The following GULP1 variants were observed in gnomAD, a reference collection of about 807,000 sequenced individuals.
GULP1 encodes GULP PTB domain containing engulfment adaptor 1.
A neutral mutation model predicts 40.9 loss-of-function variants in GULP1; 19 were observed. That is an observed-to-expected ratio of 0.46 (90% CI 0.32 to 0.68). The LOEUF (loss-of-function observed/expected upper bound fraction) is 0.68, where lower values mean the gene tolerates loss of function less well. GULP1 is among the 30% of genes least tolerant of loss of function. The pLI, the probability that GULP1 is intolerant of heterozygous loss-of-function variation, is 0.03. For missense variants in GULP1, 312 were observed against 362.2 expected, an observed-to-expected ratio of 0.86 and a Z score of 1.12; for synonymous variants, 119 against 117.6, an observed-to-expected ratio of 1.01 and a Z score of -0.08.
At chr2:188,310,979 A>G (rs2037990364) in intron 1 of GULP1, among the ~76,000 whole-genome samples, 1 of 152,228 alleles carries the variant, frequency 6.6e-6, no homozygotes, top group Non-Finnish European at 1.5e-5. Context: ...ATATTTCTAG[A>G]AATGGTCAGC....
chr2:188,566,820 A>G lies in GULP1; in HGVS notation c.400-2419A>G, dbSNP rs547160737. On this transcript the variant is annotated intron_variant, in intron 7 of 11. Transcript: ENST00000409830. ...AAAAAAAAAAAAAAAAAAAAAAAAA[A>G]GGGGAAGGATACATCGAAATCATAA... 9.0e-3 allele frequency among the ~76,000 whole-genome samples: 1,315 copies of G among 146,198 alleles called. 8 individuals are homozygous for G. Among genetic ancestry groups the G allele is most frequent in the Middle Eastern group, 0.026 (7 of 274 alleles).
At chr2:188,341,959 T>G (rs1287308160) in intron 1 of GULP1, among the ~76,000 whole-genome samples, 1 of 152,234 alleles carries the variant, frequency 6.6e-6, no homozygotes, top group Non-Finnish European at 1.5e-5. Context: ...CTTAACTTTT[T>G]TTGTTTTCTT....
rs138606292 is a variant in GULP1 at position 188,382,730 on chromosome 2, A to G, written c.-171-1033A>G. The stretch of plus-strand genomic sequence containing the variant: ...GCGAAACCCCCTCTCTACTAAAAAT[A>G]CAAAAATTAGCCGGGCATGATGCCA... On this transcript the variant is annotated intron_variant, in intron 1 of 11. Transcript: ENST00000409830. Among the ~76,000 whole-genome samples, 352 of 152,286 alleles carry G rather than the reference A, an allele frequency of 2.3e-3. 1 individual carries two copies. The highest frequency in any genetic ancestry group is 8.0e-3 in the African/African-American group (332 of 41,566).
At position 188,594,013 on chromosome 2, in the gene GULP1, A is replaced by G. The variant is rs970443952; in HGVS notation, c.*2A>G. 1.9e-6 allele frequency: 3 copies of G among 1,540,330 alleles called. No individual in the cohort carries two copies. Among genetic ancestry groups the G allele is most frequent in the South Asian group, 2.2e-5 (2 of 88,996 alleles). On this transcript the variant is annotated 3_prime_UTR_variant, in exon 12 of 12. Coordinates refer to ENST00000409830, the MANE Select transcript of GULP1 (RefSeq NM_016315.4). ...GACCCGTTAGACAGTAGGTGCTGAC[A>G]TCAAGAACAAGAAATCCTGATTCAT... is the stretch of plus-strand genomic sequence containing the variant.
intron 2 of GULP1, among the ~76,000 whole-genome samples, chr2:188,403,134 C>T (rs1023515995): frequency 6.6e-6 from 1 of 152,090 alleles, no homozygotes; most frequent in African/African-American, 2.4e-5. Context: ...ACATTCAGCT[C>T]TATGCTAGAC....
rs2045391468 is a variant in GULP1 at position 188,356,838 on chromosome 2, A to G, written c.-171-26925A>G. ...ATGAAGTGCTGGTAAGCCAAACAGC[A>G]TGGTACTGGCATTAAAACAGACACA... On this transcript the variant is annotated intron_variant, in intron 1 of 11. Transcript: ENST00000409830. Among the ~76,000 whole-genome samples the G allele has an allele frequency of 2.0e-5, 3 of 152,296 alleles. No homozygotes were observed. In the South Asian group the frequency reaches 6.2e-4, roughly 32 times the overall value.
At chr2:188,580,828 A>T (rs1030654448) in intron 9 of GULP1, among the ~76,000 whole-genome samples, 2 of 152,174 alleles carry the variant, frequency 1.3e-5, no homozygotes, top group Non-Finnish European at 2.9e-5. Flanking sequence ...AATAAAGTTT[A>T]TCAAAAATCA....
At chr2:188,378,349 A>G (rs2048570299) in intron 1 of GULP1, among the ~76,000 whole-genome samples, 1 of 152,114 alleles carries the variant, frequency 6.6e-6, no homozygotes, top group African/African-American at 2.4e-5. Flanking sequence ...ATAAGGTGGC[A>G]TGTTACGCCA....
At chr2:188,556,236 T>A (rs1694728571) in intron 7 of GULP1, among the ~76,000 whole-genome samples, 1 of 152,136 alleles carries the variant, frequency 6.6e-6, no homozygotes, top group Non-Finnish European at 1.5e-5. Context: ...TTTTCTACTA[T>A]TTTTATCTTT....
chr2:188,512,833 A>T (rs760095891), intron 4 of GULP1, among the ~76,000 whole-genome samples: 1 of 122,384 alleles, frequency 8.2e-6, no homozygotes, highest in Non-Finnish European at 1.7e-5. Flanking sequence ...TGTGGAAATT[A>T]GCTTAAAAGA....
At chr2:188,587,504 G>C (rs546710815) in intron 10 of GULP1, among the ~76,000 whole-genome samples, 1 of 152,064 alleles carries the variant, frequency 6.6e-6, no homozygotes, top group South Asian at 2.1e-4. Context: ...TCAATGAGTA[G>C]TGCATTAATT....
At chr2:188,432,678 TTGA>T (rs1256340738) in intron 2 of GULP1, among the ~76,000 whole-genome samples, 4 of 152,092 alleles carry the variant, frequency 2.6e-5, no homozygotes, top group African/African-American at 7.2e-5. Context: ...AAAATGTATA[TTGA>T]TGATTCTGAA....
chr2:188,419,414 T>C (rs991196300), intron 2 of GULP1, among the ~76,000 whole-genome samples: 9 of 152,164 alleles, frequency 5.9e-5, no homozygotes, highest in African/African-American at 2.2e-4. Flanking sequence ...TGTGAGGTGA[T>C]ATCTCGTGGT....
intron 6 of GULP1, among the ~76,000 whole-genome samples, chr2:188,533,114 G>A (rs1687996131): frequency 6.6e-6 from 1 of 152,008 alleles, no homozygotes; most frequent in African/African-American, 2.4e-5. Flanking sequence ...TCTCCTGATT[G>A]TTGGTTATTT....
intron 2 of GULP1, among the ~76,000 whole-genome samples, chr2:188,475,533 C>T (rs988712872): frequency 2.0e-5 from 3 of 151,202 alleles, no homozygotes. Context: ...TTTTATATTT[C>T]ACAATCTTCT....
chr2:188,574,933 C>T (rs1011053450), intron 9 of GULP1, among the ~76,000 whole-genome samples: 5 of 152,124 alleles, frequency 3.3e-5, no homozygotes, highest in African/African-American at 7.2e-5. Flanking sequence ...TGAGAACATA[C>T]GTGCATGTTT....
intron 2 of GULP1, among the ~76,000 whole-genome samples, chr2:188,394,978 C>T (rs189241549): frequency 6.6e-6 from 1 of 152,240 alleles, no homozygotes; most frequent in East Asian, 1.9e-4. Context: ...TTATTTTTTC[C>T]ACAGTATTTT....
chr2:188,360,188 T>A (rs1259968421), intron 1 of GULP1, among the ~76,000 whole-genome samples: 2 of 152,164 alleles, frequency 1.3e-5, no homozygotes, highest in Non-Finnish European at 2.9e-5. Flanking sequence ...TCTCTGGTTA[T>A]GATCTTATAA....
intron 9 of GULP1, among the ~76,000 whole-genome samples, chr2:188,576,669 G>A (rs1042908900): frequency 6.6e-6 from 1 of 152,046 alleles, no homozygotes; most frequent in Non-Finnish European, 1.5e-5. Flanking sequence ...GCCTTCAATT[G>A]TACCTATATT....
Sources: allele counts gnomAD v4.1 joint callset (sites outside exome capture counted in the v4.1 genomes callset), GRCh38; gene constraint gnomAD v4.1.1; transcripts MANE v1.5; gene names NCBI Gene and HGNC (gene_info 2026-07-23, HGNC 2026-07-21).